The following CACNA2D1 variants were observed in gnomAD, a reference collection of about 807,000 sequenced individuals.
CACNA2D1 encodes voltage-dependent calcium channel subunit alpha-2/delta-1.
CACNA2D1 carries 53 observed loss-of-function variants against 171.5 expected under a neutral mutation model. The observed-to-expected ratio is 0.31, with a 90% confidence interval of 0.25 to 0.39. The LOEUF (loss-of-function observed/expected upper bound fraction) is 0.39. Ranked by LOEUF, CACNA2D1 falls within the 10% of genes least tolerant of loss-of-function variation. The pLI is 1.00. For missense variants in CACNA2D1, 903 were observed against 1,299.8 expected, an observed-to-expected ratio of 0.69 and a Z score of 4.69; for synonymous variants, 442 against 443.1, an observed-to-expected ratio of 1.00 and a Z score of 0.03.
chr7:82,234,013 C>T (rs10238499), intron 3 of CACNA2D1, among the ~76,000 whole-genome samples: 15,785 of 152,014 alleles, frequency 0.1, 1,485 homozygotes, highest in African/African-American at 0.25. Flanking sequence ...CACTACTTAT[C>T]CCATTTGTGA....
chr7:82,424,332 T>C (rs530693635), intron 1 of CACNA2D1, among the ~76,000 whole-genome samples: 4 of 152,294 alleles, frequency 2.6e-5, no homozygotes, highest in Non-Finnish European at 5.9e-5. Context: ...ACATAAGCAG[T>C]ATTAAAAAGC....
At chr7:82,285,420 G>A (rs1049189302) in intron 3 of CACNA2D1, among the ~76,000 whole-genome samples, 4 of 152,050 alleles carry the variant, frequency 2.6e-5, no homozygotes, top group Admixed American at 6.5e-5. Context: ...TATGCAGTAC[G>A]TACTCTTGAA....
rs1229502 is a variant in CACNA2D1, at chr7:81,959,320, G to A, written c.3114C>T (p.Pro1038=). 474,248 of 1,606,426 alleles carry A rather than the reference G, an allele frequency of 0.3. 72,019 individuals are homozygous for A. The highest frequency in any genetic ancestry group is 0.33 in the Admixed American group (19,587 of 59,860). ...GPNPCDMVKQ[P]RYRKGPDVCF... ...AGACATCAGGCCCTTTTCGGTATCTGGGTTGCTTAACCATGTCACAAGGAT... is the reference window on the plus strand; with the variant it reads ...AGACATCAGGCCCTTTTCGGTATCTAGGTTGCTTAACCATGTCACAAGGAT... The change falls in exon 38 of 39, where the codon CCC becomes CCT. Residue 1038 remains proline, a synonymous_variant. Transcript: ENST00000356860.
At chr7:82,333,051 A>G (rs1817571113) in intron 3 of CACNA2D1, among the ~76,000 whole-genome samples, 1 of 152,222 alleles carries the variant, frequency 6.6e-6, no homozygotes, top group African/African-American at 2.4e-5. Flanking sequence ...CATTATATCT[A>G]ACAAAAGATG....
At chr7:82,060,918 C>T (rs1806816818) in intron 9 of CACNA2D1, among the ~76,000 whole-genome samples, 1 of 152,128 alleles carries the variant, frequency 6.6e-6, no homozygotes, top group African/African-American at 2.4e-5. Context: ...TTGATTAAAA[C>T]AATAATTATA....
chr7:82,084,150 T>C (rs1467245552), intron 7 of CACNA2D1, among the ~76,000 whole-genome samples: 1 of 152,168 alleles, frequency 6.6e-6, no homozygotes, highest in African/African-American at 2.4e-5. Context: ...TTATAGAAAT[T>C]ACTATTTCTC....
chr7:82,440,864 T>TC (rs1235229411), intron 1 of CACNA2D1, among the ~76,000 whole-genome samples: 2 of 151,800 alleles, frequency 1.3e-5, no homozygotes, highest in Admixed American at 6.6e-5. Flanking sequence ...GAAGTCCAAC[T>TC]CCAATTAGTG....
chr7:82,000,775 T>C (rs1009718764), intron 18 of CACNA2D1, among the ~76,000 whole-genome samples: 8 of 35,248 alleles, frequency 2.3e-4, no homozygotes, highest in African/African-American at 3.0e-4. Flanking sequence ...TTCTTTCTTT[T>C]TTTTTTTTTT....
At chr7:82,380,848 C>G (rs1325929382) in intron 1 of CACNA2D1, among the ~76,000 whole-genome samples, 1 of 151,922 alleles carries the variant, frequency 6.6e-6, no homozygotes, top group Non-Finnish European at 1.5e-5. Flanking sequence ...GCGCATGCCA[C>G]CACACCCGGC....
intron 38 of CACNA2D1, among the ~76,000 whole-genome samples, chr7:81,952,127 A>C (rs963724679): frequency 6.6e-6 from 1 of 151,154 alleles, no homozygotes; most frequent in African/African-American, 2.4e-5. Context: ...TTTGTATATC[A>C]TTTTTTGAGA....
At chr7:82,050,867 A>G in intron 10 of CACNA2D1, 1 of 444,904 alleles carries the variant, frequency 2.2e-6, no homozygotes, top group Non-Finnish European at 4.1e-6. Flanking sequence ...TAAGATAAGG[A>G]AACTGACAGA....
At chr7:81,963,146 G>T (rs1419810073) in intron 34 of CACNA2D1, among the ~76,000 whole-genome samples, 1 of 151,866 alleles carries the variant, frequency 6.6e-6, no homozygotes, top group African/African-American at 2.4e-5. Context: ...AAAGCCTACT[G>T]AAATTAATAT....
chr7:82,111,388 A>T (rs1218260493), intron 6 of CACNA2D1, among the ~76,000 whole-genome samples: 1 of 132,184 alleles, frequency 7.6e-6, no homozygotes, highest in African/African-American at 2.8e-5. Flanking sequence ...ATATATGTGT[A>T]TATATGTATA....
chr7:82,366,402 G>A (rs1241452925), intron 1 of CACNA2D1, among the ~76,000 whole-genome samples: 1 of 152,066 alleles, frequency 6.6e-6, no homozygotes. Context: ...AGTAATCTTT[G>A]TCTATTATTT....
chr7:81,996,795 T>C (rs943992992), intron 19 of CACNA2D1, among the ~76,000 whole-genome samples: 1 of 152,014 alleles, frequency 6.6e-6, no homozygotes, highest in Non-Finnish European at 1.5e-5. Flanking sequence ...TGACAGCTTC[T>C]ACTCATGCTA....
intron 9 of CACNA2D1, 78 bp from the exon 10 acceptor site, chr7:82,060,605 T>G: frequency 1.2e-6 from 1 of 840,720 alleles, no homozygotes; most frequent in South Asian, 1.4e-5. Flanking sequence ...AGATAATGTA[T>G]GCACTGACCC....
In CACNA2D1 at chr7:82,012,175, T is replaced by C. The variant is rs1195783432; in HGVS notation, c.1341A>G (p.Thr447=). 3.1e-6 allele frequency: 5 copies of C among 1,599,704 alleles called. No individual in the cohort carries two copies. Among genetic ancestry groups the C allele is most frequent in the Non-Finnish European group, 4.3e-6 (5 of 1,167,286 alleles). The change falls in exon 15 of 39, where the codon ACA becomes ACG. Residue 447 remains threonine (T), a synonymous_variant. Coordinates refer to ENST00000356860, the MANE Select transcript of CACNA2D1 (RefSeq NM_000722.4). ...AGDKAKQVQW[T]NVYLDALELG... is the part of the protein sequence containing the mutation. ...TTACCAATGCATCCAGGTACACATT[T>C]GTCCATTGGACTTGCTTAGCTTTGT...
chr7:82,285,592 AG>A (rs1485966392), intron 3 of CACNA2D1, among the ~76,000 whole-genome samples: 2 of 152,188 alleles, frequency 1.3e-5, no homozygotes, highest in Non-Finnish European at 2.9e-5. Flanking sequence ...TTTGGGTTGC[AG>A]CACATTGGCT....
chr7:82,367,827 G>T (rs1585679355), intron 1 of CACNA2D1, among the ~76,000 whole-genome samples: 1 of 152,138 alleles, frequency 6.6e-6, no homozygotes, highest in South Asian at 2.1e-4. Flanking sequence ...CTAGTAGAAT[G>T]GAGAGGATAT....
Sources: allele counts gnomAD v4.1 joint callset (sites outside exome capture counted in the v4.1 genomes callset), GRCh38; gene constraint gnomAD v4.1.1; transcripts MANE v1.5; gene names NCBI Gene and HGNC (gene_info 2026-07-23, HGNC 2026-07-21).